Variants in PREX2 observed in about 807,000 individuals in gnomAD.
PREX2 encodes phosphatidylinositol 3,4,5-trisphosphate-dependent Rac exchanger 2 protein.
Under a neutral mutation model 203.2 loss-of-function variants are expected in PREX2, and 107 were observed. The ratio of observed to expected loss-of-function variants is 0.53; its 90% CI spans 0.45 to 0.62. The LOEUF (loss-of-function observed/expected upper bound fraction) is 0.62, where lower values mean the gene tolerates loss of function less well. Among genes scored for constraint, PREX2 ranks in the 20% least tolerant of loss-of-function variants. The pLI, the probability that PREX2 is intolerant of heterozygous loss-of-function variation, is 0.00. For missense variants in PREX2, 1,777 were observed against 1,955.9 expected (o/e 0.91, Z 1.72); for synonymous variants, 672 against 663.6 (o/e 1.01, Z -0.19).
At chr8:67,969,843 C>T (rs1016906344) in intron 1 of PREX2, among the ~76,000 whole-genome samples, 31 of 152,116 alleles carry the variant, frequency 2.0e-4, no homozygotes, top group African/African-American at 6.0e-4. Flanking sequence ...AAGTCTCTTC[C>T]TTCAGCTCAC....
chr8:68,113,509 A>G (rs903514712), intron 25 of PREX2, among the ~76,000 whole-genome samples: 29 of 152,214 alleles, frequency 1.9e-4, no homozygotes, highest in African/African-American at 5.8e-4. Context: ...AGGACATAAA[A>G]GTATCTTTCC....
chr8:67,954,476 T>A (rs1805437304), intron 1 of PREX2, among the ~76,000 whole-genome samples: 1 of 152,232 alleles, frequency 6.6e-6, no homozygotes, highest in Non-Finnish European at 1.5e-5. Context: ...CACTCTGGTT[T>A]TGATATTAGA....
chr8:68,211,242 C>T (rs906761278), intron 37 of PREX2, among the ~76,000 whole-genome samples: 14 of 152,180 alleles, frequency 9.2e-5, no homozygotes, highest in African/African-American at 3.4e-4. Context: ...GTGGACTCTA[C>T]TTTAACTGAA....
At chr8:68,070,846 C>G (rs1809172816) in intron 13 of PREX2, among the ~76,000 whole-genome samples, 1 of 152,016 alleles carries the variant, frequency 6.6e-6, no homozygotes, top group Non-Finnish European at 1.5e-5. Context: ...TTTGCAGGTC[C>G]TGGAGGAGAA....
At chr8:68,165,021 AG>A (rs2129614085) in intron 35 of PREX2, among the ~76,000 whole-genome samples, 1 of 151,766 alleles carries the variant, frequency 6.6e-6, no homozygotes, top group South Asian at 2.1e-4. Context: ...ACAAAATCAT[AG>A]CCACTAGACC....
rs954476245 is a variant in PREX2 at position 68,121,007 on chromosome 8, A to G, written c.3682A>G (p.Ser1228Gly). 3 of 1,613,744 alleles carry G rather than the reference A, an allele frequency of 1.9e-6. No homozygotes were observed. Among genetic ancestry groups the G allele is most frequent in the Non-Finnish European group, 1.7e-6 (2 of 1,179,790 alleles). The change falls in exon 30 of 40, where the codon AGC becomes GGC. Residue 1228 changes from serine to glycine, a missense_variant. Coordinates refer to ENST00000288368, the MANE Select transcript of PREX2 (RefSeq NM_024870.4). ...IKQDPWNLPSSVRTLAQNIRK... is the reference protein window; with the variant it reads ...IKQDPWNLPSGVRTLAQNIRK... ...GCAAGATCCTTGGAATCTTCCCAGC[A>G]GCGTCCGGACTCTTGCTCAGAACAT...
chr8:67,972,726 G>A (rs112064736), intron 1 of PREX2, among the ~76,000 whole-genome samples: 75 of 152,018 alleles, frequency 4.9e-4, no homozygotes, highest in African/African-American at 1.7e-3. Flanking sequence ...TCTTACCTTT[G>A]CATCCCTTTC....
intron 11 of PREX2, among the ~76,000 whole-genome samples, chr8:68,067,488 T>A (rs964577924): frequency 7.2e-5 from 11 of 152,026 alleles, no homozygotes; most frequent in Admixed American, 1.3e-4. Flanking sequence ...TGTTACATCT[T>A]ATTTTTTTAT....
chr8:68,216,359 T>C (rs547732179), intron 37 of PREX2, among the ~76,000 whole-genome samples: 24 of 152,244 alleles, frequency 1.6e-4, no homozygotes, highest in African/African-American at 5.5e-4. Flanking sequence ...TAGACAGATC[T>C]AGGAAAATAC....
chr8:68,083,639 G>T (rs1293150205), intron 18 of PREX2, among the ~76,000 whole-genome samples: 1 of 152,068 alleles, frequency 6.6e-6, no homozygotes, highest in African/African-American at 2.4e-5. Context: ...CATTTTCCTG[G>T]TCTGGGTTGA....
chr8:68,001,031 T>C (rs535807467), intron 1 of PREX2, among the ~76,000 whole-genome samples: 11 of 152,298 alleles, frequency 7.2e-5, no homozygotes, highest in African/African-American at 2.6e-4. Context: ...ATTCTGGACA[T>C]AGGAACTCAC....
At chr8:68,057,125 C>T (rs563278258) in intron 10 of PREX2, among the ~76,000 whole-genome samples, 14 of 152,176 alleles carry the variant, frequency 9.2e-5, no homozygotes, top group Middle Eastern at 3.4e-3. Flanking sequence ...GTGGCTTCCA[C>T]CTTGCTGGTC....
At position 68,228,771 on chromosome 8, in the gene PREX2, AAATAAATAAAT is replaced by A; in HGVS notation, c.4776-2559_4776-2549del. 6.2e-5 allele frequency among the ~76,000 whole-genome samples: 3 copies of A among 48,310 alleles called. No homozygotes were observed. In the African/African-American group the frequency reaches 7.6e-4, roughly 12 times the overall value. The allele number at this position is 48,310 out of a possible 152,430, so 31.7% of individuals were successfully genotyped here. ...ACAGAGCGAGACTCCGTCTCTAAATAAATAAATAAATAAATAAATAAATAAATAAATAAGCC... is the reference window on the plus strand; with the variant it reads ...ACAGAGCGAGACTCCGTCTCTAAATAAAATAAATAAATAAATAAATAAGCC... On this transcript the variant is annotated intron_variant, in intron 39 of 39. Transcript: ENST00000288368.
chr8:68,170,778 T>C (rs1344213579), intron 35 of PREX2, among the ~76,000 whole-genome samples: 2 of 152,148 alleles, frequency 1.3e-5, no homozygotes, highest in African/African-American at 4.8e-5. Flanking sequence ...AGTCTTTCCT[T>C]TTTAGTCTCT....
At chr8:68,023,242 T>A (rs746449992) in intron 4 of PREX2, among the ~76,000 whole-genome samples, 6 of 152,192 alleles carry the variant, frequency 3.9e-5, no homozygotes, top group Non-Finnish European at 8.8e-5. Flanking sequence ...CCATATTTAC[T>A]GGCAATGCAT....
intron 25 of PREX2, among the ~76,000 whole-genome samples, chr8:68,115,356 A>G (rs1215100922): frequency 1.3e-5 from 2 of 152,126 alleles, no homozygotes; most frequent in African/African-American, 4.8e-5. Context: ...TAAGGTGGTG[A>G]TGGTTGTGCT....
At chr8:67,952,789 G>C (rs574853986) in intron 1 of PREX2, 1 of 588,902 alleles carries the variant, frequency 1.7e-6, no homozygotes, top group Non-Finnish European at 3.0e-6. Flanking sequence ...TAGCTCTAGA[G>C]AAGAGAGCTC....
chr8:68,009,205 A>T (rs1238798031), intron 1 of PREX2, among the ~76,000 whole-genome samples: 1 of 152,128 alleles, frequency 6.6e-6, no homozygotes, highest in Non-Finnish European at 1.5e-5. Context: ...TTTCCTTTTC[A>T]TCGGAACTGC....
chr8:68,142,077 G>A (rs1481248544), intron 33 of PREX2, among the ~76,000 whole-genome samples: 1 of 152,066 alleles, frequency 6.6e-6, no homozygotes, highest in African/African-American at 2.4e-5. Flanking sequence ...GCTATCAATA[G>A]CCCTCACGAT....
Sources: allele counts gnomAD v4.1 joint callset (sites outside exome capture counted in the v4.1 genomes callset), GRCh38; gene constraint gnomAD v4.1.1; transcripts MANE v1.5; gene names NCBI Gene and HGNC (gene_info 2026-07-23, HGNC 2026-07-21).